CDKL5: variants seen among roughly 807,000 people sequenced by gnomAD.
CDKL5 encodes the protein cyclin dependent kinase like 5.
CDKL5 carries 8 observed loss-of-function variants against 61.7 expected under a neutral mutation model. The ratio of observed to expected loss-of-function variants is 0.13; its 90% CI spans 0.08 to 0.23. The LOEUF (loss-of-function observed/expected upper bound fraction) is 0.23. Ranked by LOEUF, CDKL5 falls within the 10% of genes least tolerant of loss-of-function variation. The probability of loss-of-function intolerance (pLI) is 1.00; values close to 1 mark genes in which losing one functional copy is unlikely to be tolerated. For missense variants in CDKL5, 440 were observed against 734.5 expected (o/e 0.60, Z 4.63); for synonymous variants, 275 against 272.3 (o/e 1.01, Z -0.10).
At chrX:18,618,365 A>G (rs1162735713) in intron 15 of CDKL5, among the ~76,000 whole-genome samples, 1 of 111,860 alleles carries the variant, frequency 8.9e-6, no homozygotes, top group Admixed American at 9.5e-5. Flanking sequence ...TCTAGAAGTT[A>G]CAGAACGTTA....
intron 1 of CDKL5, among the ~76,000 whole-genome samples, chrX:18,427,172 A>G (rs1482518453): frequency 9.0e-6 from 1 of 111,035 alleles, no homozygotes. Flanking sequence ...TAAAAGTACT[A>G]TTTTAGGATT....
chrX:18,479,196 AC>A (rs1199563919), intron 1 of CDKL5, among the ~76,000 whole-genome samples: 1 of 109,974 alleles, frequency 9.1e-6, no homozygotes, highest in Non-Finnish European at 1.9e-5. Flanking sequence ...CAGCATTTTG[AC>A]TATGATGTTT....
At chrX:18,568,600 A>G (rs1212190184) in intron 4 of CDKL5, among the ~76,000 whole-genome samples, 2 of 112,282 alleles carry the variant, frequency 1.8e-5, no homozygotes, top group African/African-American at 6.5e-5. Context: ...AATAGCTTCT[A>G]TAGTAAAGAG....
At chrX:18,496,611 A>C (rs765386812) in intron 1 of CDKL5, among the ~76,000 whole-genome samples, 1 of 111,947 alleles carries the variant, frequency 8.9e-6, no homozygotes, top group East Asian at 2.8e-4. Context: ...GTTATTTTAA[A>C]ATATGTCAAA....
In CDKL5 at chrX:18,634,691, G is replaced by T; in HGVS notation, c.*5934G>T. On this transcript the variant is annotated 3_prime_UTR_variant, in exon 18 of 18. Coordinates refer to ENST00000623535, the MANE Select transcript of CDKL5 (RefSeq NM_001323289.2). Reference sequence around the variant, plus strand: ...AGTCAGGCTAGAGGGGTAATACGGTGATTAAAAGAAGTAAATTCTCACTGT... The same window carrying T: ...AGTCAGGCTAGAGGGGTAATACGGTTATTAAAAGAAGTAAATTCTCACTGT... The T allele has an allele frequency of 1.3e-6, 1 of 753,144 alleles. No individual in the cohort carries two copies. The highest frequency in any genetic ancestry group is 1.6e-6 in the Non-Finnish European group (1 of 638,848). 62.1% of individuals were successfully genotyped at this position (753,144 alleles called of 1,213,427 possible).
At position 18,568,169 on chromosome X, in the gene CDKL5, G is replaced by A. The variant is rs192931336; in HGVS notation, c.145+3647G>A. 1.1e-4 allele frequency among the ~76,000 whole-genome samples: 12 copies of A among 111,908 alleles called. No homozygotes were observed. In the South Asian group the frequency reaches 2.2e-3, roughly 21 times the overall value. The stretch of plus-strand genomic sequence containing the variant: ...AATCGAAGTCAAACCATTGTAAGTC[G>A]GGACCATCTATTCTCTCACTGATAT... On this transcript the variant is annotated intron_variant, in intron 4 of 17. Transcript: ENST00000623535.
At chrX:18,514,941 GGC>G (rs1469300436) in intron 3 of CDKL5, among the ~76,000 whole-genome samples, 1 of 109,627 alleles carries the variant, frequency 9.1e-6, no homozygotes, top group Non-Finnish European at 1.9e-5. Flanking sequence ...TGGGACTATA[GGC>G]GCGCACCAAC....
In CDKL5 at chrX:18,602,199, G is replaced by A. The variant is rs768998583; in HGVS notation, c.978-1703G>A. On this transcript the variant is annotated intron_variant, in intron 11 of 17. Coordinates refer to ENST00000623535, the MANE Select transcript of CDKL5 (RefSeq NM_001323289.2). ...GCAGCATTGGGTTCCTGAGGCCCAG[G>A]GCCGGGCTCATGGGGGTGGAGGACG... is the stretch of plus-strand genomic sequence containing the variant. Among the ~76,000 whole-genome samples the A allele has an allele frequency of 8.0e-5, 9 of 112,209 alleles. No homozygotes were observed. In the South Asian group the frequency reaches 1.5e-3, roughly 19 times the overall value.
At chrX:18,619,157 C>CT (rs773761463) in intron 15 of CDKL5, among the ~76,000 whole-genome samples, 6,884 of 80,755 alleles carry the variant, frequency 0.085, 300 homozygotes, top group Middle Eastern at 0.11. Context: ...CCCGTGAAAG[C>CT]TTTTTTTTTT....
intron 3 of CDKL5, among the ~76,000 whole-genome samples, chrX:18,531,140 A>AC (rs1394203456): frequency 8.9e-6 from 1 of 112,107 alleles, no homozygotes; most frequent in Non-Finnish European, 1.9e-5. Context: ...GTTAGATGAA[A>AC]CAAGAAGGCT....
intron 1 of CDKL5, among the ~76,000 whole-genome samples, chrX:18,452,425 A>AT (rs1446878158): frequency 1.9e-4 from 21 of 109,003 alleles, no homozygotes; most frequent in Middle Eastern, 4.7e-3. Flanking sequence ...ACACTGCATT[A>AT]TTTTTTTTTA....
At chrX:18,463,377 C>T (rs1205617651) in intron 1 of CDKL5, among the ~76,000 whole-genome samples, 4 of 111,836 alleles carry the variant, frequency 3.6e-5, no homozygotes, top group Non-Finnish European at 7.5e-5. Context: ...AATGCAGAAT[C>T]GCCTCAAATC....
chrX:18,630,049 A>G lies in CDKL5; in HGVS notation c.*1292A>G, dbSNP rs781200888. The G allele has an allele frequency of 1.3e-6, 1 of 751,589 alleles. No individual in the cohort carries two copies. The highest frequency in any genetic ancestry group is 2.3e-5 in the African/African-American group (1 of 43,062). 61.9% of individuals were successfully genotyped at this position (751,589 alleles called of 1,213,427 possible). ...ATATGTGTGGCATTTCTATTTCTGAATGCCTTTTTTGCTATTGCTCTCTCC... is the reference window on the plus strand; with the variant it reads ...ATATGTGTGGCATTTCTATTTCTGAGTGCCTTTTTTGCTATTGCTCTCTCC... On this transcript the variant is annotated 3_prime_UTR_variant, in exon 18 of 18. Coordinates refer to ENST00000623535, the MANE Select transcript of CDKL5 (RefSeq NM_001323289.2).
intron 1 of CDKL5, among the ~76,000 whole-genome samples, chrX:18,503,126 C>T (rs999945623): frequency 8.9e-6 from 1 of 112,042 alleles, no homozygotes; most frequent in Non-Finnish European, 1.9e-5. Context: ...TTTGAAAAGT[C>T]GTTTTGAATA....
chrX:18,505,732 G>A (rs1166447328), intron 1 of CDKL5, among the ~76,000 whole-genome samples: 3 of 112,339 alleles, frequency 2.7e-5, no homozygotes, highest in African/African-American at 6.5e-5. Context: ...CCTTATTGAT[G>A]ACGTTAACTT....
rs1477386406 is a variant in CDKL5, at chrX:18,603,957, G to A, written c.1033G>A (p.Asp345Asn). ...LQSHHRSNSKDIQNLSVGLPR... is the reference protein window; with the variant it reads ...LQSHHRSNSKNIQNLSVGLPR... Reference sequence around the variant, plus strand: ...GTCTCACCACAGATCTAACAGCAAGGACATCCAGAACCTGAGTGTAGGCCT... The same window carrying A: ...GTCTCACCACAGATCTAACAGCAAGAACATCCAGAACCTGAGTGTAGGCCT... The change falls in exon 12 of 18, where the codon GAC (aspartate) becomes AAC (asparagine). Residue 345 changes from aspartate (D) to asparagine (N), a missense_variant. Physicochemically the swap from Asp to Asn is conservative, Grantham distance 23. Transcript: ENST00000623535. 4.1e-6 allele frequency: 5 copies of A among 1,210,077 alleles called. No homozygotes were observed. The highest frequency in any genetic ancestry group is 4.5e-6 in the Non-Finnish European group (4 of 894,156).
At chrX:18,581,443 A>G (rs780941585) in intron 6 of CDKL5, among the ~76,000 whole-genome samples, 59 of 112,266 alleles carry the variant, frequency 5.3e-4, no homozygotes, top group African/African-American at 1.7e-3. Flanking sequence ...TGTAACAGAA[A>G]GCATGTCTTG....
intron 1 of CDKL5, 38 bp from the exon 2 acceptor site, chrX:18,506,897 T>G: frequency 2.4e-6 from 1 of 422,166 alleles, no homozygotes; most frequent in East Asian, 3.9e-5. Flanking sequence ...ACTGCAAATA[T>G]AAAACTTACA....
chrX:18,494,720 G>A (rs1260942043), intron 1 of CDKL5, among the ~76,000 whole-genome samples: 1 of 112,482 alleles, frequency 8.9e-6, no homozygotes, highest in Non-Finnish European at 1.9e-5. Context: ...AAGGTCAAGG[G>A]TAGGGAGGCA....
Sources: allele counts gnomAD v4.1 joint callset (sites outside exome capture counted in the v4.1 genomes callset), GRCh38; gene constraint gnomAD v4.1.1; transcripts MANE v1.5; gene names NCBI Gene and HGNC (gene_info 2026-07-23, HGNC 2026-07-21).